USP7: variants seen among roughly 807,000 people sequenced by gnomAD.
USP7 encodes ubiquitin C-terminal hydrolase 7.
USP7 carries 9 observed loss-of-function variants against 162.9 expected under a neutral mutation model. The observed-to-expected ratio is 0.06, with a 90% CI of 0.03 to 0.10. The LOEUF (loss-of-function observed/expected upper bound fraction) is 0.10. Ranked by LOEUF, USP7 falls within the 10% of genes least tolerant of loss-of-function variation. USP7 has a pLI of 1.00. For missense variants in USP7, 715 were observed against 1,373.7 expected, an observed-to-expected ratio of 0.52 and a Z score of 7.58; for synonymous variants, 562 against 475.9, an observed-to-expected ratio of 1.18 and a Z score of -2.35.
rs909205182 is a variant in USP7 at position 8,905,122 on chromosome 16, G to A, written c.1573+65C>T. The A allele has an allele frequency of 1.3e-5, 21 of 1,558,172 alleles. No individual in the cohort carries two copies. In the East Asian group the frequency reaches 4.8e-4, roughly 35 times the overall value. On this transcript the variant is annotated intron_variant, in intron 14 of 30. Transcript: ENST00000344836. Reference sequence around the variant, plus strand: ...TGTTTGGACAGAAAAGGATATTGGAGATTCATGGTACAAATGTCCAAGTCC... The same window carrying A: ...TGTTTGGACAGAAAAGGATATTGGAAATTCATGGTACAAATGTCCAAGTCC...
chr16:8,894,433 C>T (rs773930268), intron 30 of USP7, 117 bp downstream of exon 30: 27 of 941,834 alleles, frequency 2.9e-5, no homozygotes, highest in Non-Finnish European at 3.8e-5. Context: ...TTCCACAGGT[C>T]GGCCAGTGGA....
chr16:8,919,263 G>T, intron 5 of USP7, 124 bp from the exon 6 acceptor site: 1 of 874,132 alleles, frequency 1.1e-6, no homozygotes, highest in South Asian at 1.4e-5. Flanking sequence ...TTATCACACA[G>T]CATCCTTCAA....
chr16:8,936,488 C>T (rs1011954710), intron 1 of USP7: 52 of 1,328,022 alleles, frequency 3.9e-5, no homozygotes, highest in Non-Finnish European at 4.5e-5. Flanking sequence ...ATGTATAGCC[C>T]CAAATATACT....
intron 1 of USP7, among the ~76,000 whole-genome samples, chr16:8,949,305 C>A (rs1237388130): frequency 6.6e-6 from 1 of 152,200 alleles, no homozygotes; most frequent in East Asian, 1.9e-4. Context: ...GCACGTTCCA[C>A]TGGGATTGAA....
At chr16:8,900,924 G>T (rs181005267) in intron 20 of USP7, 66 bp downstream of exon 20, 2 of 1,535,834 alleles carry the variant, frequency 1.3e-6, no homozygotes, top group African/African-American at 2.8e-5. Flanking sequence ...GGGGTAAAAA[G>T]AACAAACAAA....
At chr16:8,914,407 T>G (rs1272929028) in intron 10 of USP7, among the ~76,000 whole-genome samples, 1 of 150,658 alleles carries the variant, frequency 6.6e-6, no homozygotes, top group Non-Finnish European at 1.5e-5. Flanking sequence ...TACAGGCCAG[T>G]AATCCTCTTC....
At position 8,902,073 on chromosome 16, in the gene USP7, G is replaced by C; in HGVS notation, c.2047+9C>G. The C allele has an allele frequency of 1.2e-6, 2 of 1,611,650 alleles. No homozygotes were observed. The highest frequency in any genetic ancestry group is 1.7e-6 in the Non-Finnish European group (2 of 1,177,856). ...TCTAAGTGCAGGCAGGCGTCTCGTG[G>C]GCACTTACGATCTTTATCAAACTTG... On this transcript the variant is annotated intron_variant, in intron 18 of 30. Coordinates refer to ENST00000344836, the MANE Select transcript of USP7 (RefSeq NM_003470.3).
chr16:8,897,853 G>T (rs1189274349), intron 25 of USP7, among the ~76,000 whole-genome samples: 1 of 150,212 alleles, frequency 6.7e-6, no homozygotes, highest in Non-Finnish European at 1.5e-5. Context: ...GGGCTGTGAT[G>T]GTGCCACTGC....
intron 4 of USP7, among the ~76,000 whole-genome samples, 188 bp downstream of exon 4, chr16:8,920,969 G>A (rs200500408): frequency 6.6e-6 from 1 of 152,216 alleles, no homozygotes; most frequent in African/African-American, 2.4e-5. Context: ...AAAGTGAGAC[G>A]TGAATCCAGA....
chr16:8,947,650 A>G lies in USP7; in HGVS notation c.79+15557T>C, dbSNP rs1029043289. ...GGTGTGCGCTTATTTTTCAATCAAT[A>G]AACATTTAAGGTTGGCCTTAATTTC... On this transcript the variant is annotated intron_variant, in intron 1 of 30. Transcript: ENST00000344836. 1.1e-4 allele frequency among the ~76,000 whole-genome samples: 17 copies of G among 152,342 alleles called. No individual in the cohort carries two copies. The South Asian group carries it at 2.9e-3, about 26-fold the overall frequency.
At chr16:8,901,786 A>T (rs993673365) in intron 18 of USP7, 20 of 385,094 alleles carry the variant, frequency 5.2e-5, no homozygotes, top group African/African-American at 4.1e-4. Context: ...CTGACAGACA[A>T]CGTTTGCAAC....
At chr16:8,943,630 GAGATGCCCACC>G (rs1899145876) in intron 1 of USP7, among the ~76,000 whole-genome samples, 1 of 152,174 alleles carries the variant, frequency 6.6e-6, no homozygotes, top group African/African-American at 2.4e-5. Context: ...AAAAGCAATG[GAGATGCCCACC>G]AGTACTGAAG....
At chr16:8,908,284 A>G in intron 12 of USP7, 57 bp downstream of exon 12, 2 of 1,387,796 alleles carry the variant, frequency 1.4e-6, no homozygotes, top group Non-Finnish European at 2.0e-6. Context: ...CACTGAGACT[A>G]ACCCCCTAGA....
intron 12 of USP7, 64 bp downstream of exon 12, chr16:8,908,277 T>C (rs1352871546): frequency 7.5e-7 from 1 of 1,337,834 alleles, no homozygotes; most frequent in Non-Finnish European, 1.1e-6. Flanking sequence ...AGGAAAGCAC[T>C]GAGACTAACC....
At chr16:8,947,856 G>GC (rs1899359223) in intron 1 of USP7, among the ~76,000 whole-genome samples, 1 of 152,190 alleles carries the variant, frequency 6.6e-6, no homozygotes, top group African/African-American at 2.4e-5. Context: ...TCCCTGCACA[G>GC]CTCCCACTTT....
At chr16:8,945,120 G>A (rs1431186284) in intron 1 of USP7, among the ~76,000 whole-genome samples, 2 of 152,194 alleles carry the variant, frequency 1.3e-5, no homozygotes, top group Non-Finnish European at 2.9e-5. Context: ...GCTGGGTGTG[G>A]TGGCGGGCGC....
rs562049877 is a variant in USP7, at chr16:8,894,241, C to G, written c.3203-137G>C. 6.2e-6 allele frequency: 5 copies of G among 804,882 alleles called. No individual in the cohort carries two copies. The African/African-American group carries it at 6.8e-5, about 11-fold the overall frequency. The allele number at this position is 804,882 out of a possible 1,614,324, so 49.9% of individuals were successfully genotyped here. ...CAGGGAAGCCAGGACCTGAGCTACA[C>G]GCCCACCTGGAGCTAAGGAGGCCCA... On this transcript the variant is annotated intron_variant, in intron 30 of 30. Transcript: ENST00000344836.
At chr16:8,952,083 C>A (rs200840623) in intron 1 of USP7, among the ~76,000 whole-genome samples, 137 of 142,878 alleles carry the variant, frequency 9.6e-4, no homozygotes, top group Non-Finnish European at 1.2e-3. Flanking sequence ...TAGACCCCCC[C>A]GTCTATACAA....
chr16:8,918,917 A>G, intron 6 of USP7, 114 bp downstream of exon 6: 1 of 1,000,652 alleles, frequency 1.0e-6, no homozygotes, highest in Non-Finnish European at 1.6e-6. Context: ...CAGCCATCTG[A>G]GGAGACAGGG....
Sources: allele counts gnomAD v4.1 joint callset (sites outside exome capture counted in the v4.1 genomes callset), GRCh38; gene constraint gnomAD v4.1.1; transcripts MANE v1.5; gene names NCBI Gene and HGNC (gene_info 2026-07-23, HGNC 2026-07-21).